BACC1: variants seen among roughly 807,000 people sequenced by gnomAD.
BACC1 encodes the protein BPTF-associated chromatin complex component 1.
chr17:7,017,038 C>T, the BACC1 span: 1 of 1,595,120 alleles, frequency 6.3e-7, no homozygotes, highest in East Asian at 2.2e-5. Context: ...TCCTCCCACA[C>T]AGCTGACGGG....
the BACC1 span, chr17:7,015,231 A>C: frequency 6.8e-7 from 1 of 1,474,646 alleles, no homozygotes; most frequent in Non-Finnish European, 8.9e-7. Context: ...GACCCTCTCT[A>C]GCACAGGGAC....
At chr17:7,016,130 TC>T in the BACC1 span, 229 of 528,134 alleles carry the variant, frequency 4.3e-4, no homozygotes, top group South Asian at 2.4e-3. Flanking sequence ...ATGATGGAAG[TC>T]CCCTGGTTAT....
At chr17:7,016,453 C>T in the BACC1 span, 1 of 1,591,936 alleles carries the variant, frequency 6.3e-7, no homozygotes, top group Non-Finnish European at 8.6e-7. Context: ...CTGTTAGTCT[C>T]TCTGATGACT....
At chr17:7,015,923 C>T in the BACC1 span, 2 of 1,504,908 alleles carry the variant, frequency 1.3e-6, no homozygotes, top group Non-Finnish European at 1.8e-6. Context: ...AGCCTTCTTC[C>T]TCCTTACCCA....
the BACC1 span, chr17:7,015,285 G>A: frequency 7.1e-7 from 1 of 1,400,074 alleles, no homozygotes; most frequent in Non-Finnish European, 9.2e-7. Context: ...CAGAGTCGGT[G>A]TTAATAAATG....
the BACC1 span, chr17:7,016,487 T>G: frequency 1.2e-6 from 2 of 1,611,726 alleles, no homozygotes; most frequent in Non-Finnish European, 1.7e-6. Flanking sequence ...CTTCTCTCTT[T>G]TCTTCAGGGC....
chr17:7,015,913 A>C, the BACC1 span: 3,790 of 1,561,096 alleles, frequency 2.4e-3, 154 homozygotes, highest in East Asian at 0.078. Flanking sequence ...GCGGGTGGGC[A>C]GCCTTCTTCC....
At chr17:7,017,508 G>T in the BACC1 span, 6 of 716,564 alleles carry the variant, frequency 8.4e-6, no homozygotes, top group Non-Finnish European at 1.3e-5. Flanking sequence ...AAACAATAAA[G>T]ATTTCCCTCT....
the BACC1 span, chr17:7,014,866 A>G: frequency 6.5e-7 from 1 of 1,539,102 alleles, no homozygotes; most frequent in Non-Finnish European, 8.7e-7. The surrounding 1 kb of genome is among the most constrained non-coding windows in gnomAD (Gnocchi z 4.5). Context: ...CCATGACGTC[A>G]GCGTCCACAA....
chr17:7,016,821 G>A, the BACC1 span: 6 of 1,525,868 alleles, frequency 3.9e-6, no homozygotes, highest in Non-Finnish European at 3.6e-6. Context: ...CAGAGGGGAG[G>A]GGAGAGGAGG....
At chr17:7,016,851 T>C in the BACC1 span, 1 of 1,558,838 alleles carries the variant, frequency 6.4e-7, no homozygotes, top group South Asian at 1.1e-5. Flanking sequence ...TTGGGAAGCT[T>C]GGGGCTGGGG....
At chr17:7,016,838 G>T in the BACC1 span, 2 of 1,547,016 alleles carry the variant, frequency 1.3e-6, no homozygotes, top group East Asian at 2.2e-5. Flanking sequence ...GAGGCACAAA[G>T]CTTTGGGAAG....
At chr17:7,014,876 A>G in the BACC1 span, 1 of 1,537,786 alleles carries the variant, frequency 6.5e-7, no homozygotes, top group Non-Finnish European at 8.7e-7. This position sits in a 1 kb window ranked among gnomAD's most constrained non-coding sequence, Gnocchi z 4.5. Flanking sequence ...AGCGTCCACA[A>G]AGGTTCGACC....
At chr17:7,016,524 A>G in the BACC1 span, 2 of 1,613,702 alleles carry the variant, frequency 1.2e-6, no homozygotes, top group African/African-American at 2.7e-5. Flanking sequence ...GTGAAACGCA[A>G]GGTATATGAA....
the BACC1 span, chr17:7,017,062 G>GAT: frequency 6.4e-7 from 1 of 1,570,258 alleles, no homozygotes; most frequent in African/African-American, 1.4e-5. Flanking sequence ...GGGGAGAAAG[G>GAT]GCTCACCTGG....
the BACC1 span, chr17:7,017,223 G>A: frequency 6.8e-6 from 11 of 1,614,004 alleles, no homozygotes; most frequent in Middle Eastern, 1.6e-4. Context: ...CTGGGGGCTC[G>A]CTCCATCTCG....
the BACC1 span, chr17:7,016,593 C>T: frequency 6.2e-7 from 1 of 1,614,078 alleles, no homozygotes; most frequent in African/African-American, 1.3e-5. Flanking sequence ...AAGGTGGCAT[C>T]TGGTGTCTTG....
chr17:7,016,795 G>A, the BACC1 span: 14 of 1,529,000 alleles, frequency 9.2e-6, no homozygotes, highest in Non-Finnish European at 1.3e-5. Context: ...TCCCTGTGGA[G>A]GTTCCCAGAG....
At chr17:7,017,109 G>T in the BACC1 span, 1 of 1,524,020 alleles carries the variant, frequency 6.6e-7, no homozygotes, top group Admixed American at 1.7e-5. Context: ...CCCCTCCCTT[G>T]TATAGGGGTT....
Sources: gnomAD v4.1 joint callset for allele counts on GRCh38, gnomAD v4.1.1 for gene constraint, Gnocchi (gnomAD v3.1) non-coding constraint, MANE v1.5 for transcripts, NCBI Gene and HGNC (gene_info 2026-07-23, HGNC 2026-07-21) for gene names.